DLG2: variants seen among roughly 807,000 people sequenced by gnomAD.
DLG2 encodes the protein discs large MAGUK scaffold protein 2.
Under a neutral mutation model 132.5 loss-of-function variants are expected in DLG2, and 45 were observed. That is an observed-to-expected ratio of 0.34 (90% CI 0.27 to 0.44). The LOEUF (loss-of-function observed/expected upper bound fraction) is 0.44. Among genes scored for constraint, DLG2 ranks in the 20% least tolerant of loss-of-function variants. The pLI, the probability that DLG2 is intolerant of heterozygous loss-of-function variation, is 1.00. For missense variants in DLG2, 1,045 were observed against 1,196.9 expected (o/e 0.87, Z 1.87); for synonymous variants, 424 against 419.6 (o/e 1.01, Z -0.13).
chr11:84,180,825 C>A (rs1425838956), intron 8 of DLG2, among the ~76,000 whole-genome samples: 2 of 151,836 alleles, frequency 1.3e-5, no homozygotes, highest in East Asian at 1.9e-4. Flanking sequence ...ATAAAATTAT[C>A]CTTCAAGAAT....
intron 4 of DLG2, among the ~76,000 whole-genome samples, chr11:85,249,522 A>G (rs1220713907): frequency 1.3e-5 from 2 of 152,086 alleles, no homozygotes; most frequent in Non-Finnish European, 2.9e-5. Context: ...TGAGAATTGT[A>G]TGTTGACCTA....
At chr11:85,567,555 CTAAATACAAGATCATGTAAT>C (rs1482601817) in intron 3 of DLG2, among the ~76,000 whole-genome samples, 1 of 152,006 alleles carries the variant, frequency 6.6e-6, no homozygotes, top group Admixed American at 6.6e-5. Context: ...TTAGAGTTTT[CTAAATACAAGATCATGTAAT>C]CTGGGAATTT....
At chr11:83,675,021 A>G (rs1490708725) in intron 18 of DLG2, among the ~76,000 whole-genome samples, 2 of 152,256 alleles carry the variant, frequency 1.3e-5, no homozygotes, top group Non-Finnish European at 2.9e-5. Context: ...TGTGATAGAA[A>G]GTAAATAACA....
At chr11:84,860,240 G>A (rs1360033624) in intron 6 of DLG2, among the ~76,000 whole-genome samples, 1 of 152,060 alleles carries the variant, frequency 6.6e-6, no homozygotes, top group African/African-American at 2.4e-5. Flanking sequence ...TTTCACATTT[G>A]CTAATTATAT....
At chr11:85,069,265 C>T (rs2065411941) in intron 6 of DLG2, among the ~76,000 whole-genome samples, 1 of 152,044 alleles carries the variant, frequency 6.6e-6, no homozygotes, top group Admixed American at 6.6e-5. Context: ...GTCTAAAACA[C>T]CAAAAGCAAT....
chr11:85,469,515 A>T (rs1434077073), intron 3 of DLG2: 1 of 152,188 alleles, frequency 6.6e-6, no homozygotes, highest in Non-Finnish European at 1.5e-5. Flanking sequence ...GAAACACCAA[A>T]CTACTCTGGT....
intron 21 of DLG2, among the ~76,000 whole-genome samples, chr11:83,516,012 G>T (rs2095279820): frequency 6.6e-6 from 1 of 152,198 alleles, no homozygotes; most frequent in East Asian, 1.9e-4. Flanking sequence ...TTGATTTGGG[G>T]TGGAGAGTTC....
At chr11:85,510,234 A>T (rs1598110496) in intron 3 of DLG2, among the ~76,000 whole-genome samples, 1 of 151,972 alleles carries the variant, frequency 6.6e-6, no homozygotes, top group African/African-American at 2.4e-5. Context: ...ATGAGAGGCT[A>T]AAGAGGTAGG....
intron 15 of DLG2, 115 bp downstream of exon 15, chr11:83,930,213 C>T: frequency 1.7e-6 from 2 of 1,197,124 alleles, no homozygotes; most frequent in South Asian, 1.5e-5. Flanking sequence ...AACATCTCTC[C>T]ACTTTGGGGA....
chr11:84,984,777 A>T (rs2056259280), intron 6 of DLG2, among the ~76,000 whole-genome samples: 1 of 152,212 alleles, frequency 6.6e-6, no homozygotes, highest in Non-Finnish European at 1.5e-5. Flanking sequence ...AACTTAAGGT[A>T]AAGGGATGGA....
chr11:84,521,431 G>T (rs557511607), intron 7 of DLG2, among the ~76,000 whole-genome samples: 121 of 152,238 alleles, frequency 7.9e-4, no homozygotes, highest in Non-Finnish European at 1.4e-3. Context: ...GGCTGCCTTG[G>T]GAAAGTCTCA....
At chr11:84,793,020 T>G (rs1214260180) in intron 6 of DLG2, among the ~76,000 whole-genome samples, 1 of 152,090 alleles carries the variant, frequency 6.6e-6, no homozygotes, top group Non-Finnish European at 1.5e-5. Context: ...AATTTGAAGT[T>G]TTTCTCTTTT....
At chr11:85,574,805 A>C (rs1319004073) in intron 3 of DLG2, among the ~76,000 whole-genome samples, 1 of 152,174 alleles carries the variant, frequency 6.6e-6, no homozygotes, top group African/African-American at 2.4e-5. Flanking sequence ...TGCGGGTGCC[A>C]GGCTTGCACA....
At chr11:84,552,271 CAT>C (rs1164696337) in intron 6 of DLG2, among the ~76,000 whole-genome samples, 1 of 152,124 alleles carries the variant, frequency 6.6e-6, no homozygotes, top group Non-Finnish European at 1.5e-5. Flanking sequence ...TCTTTCCAAA[CAT>C]ATCTCTTGCT....
intron 16 of DLG2, among the ~76,000 whole-genome samples, chr11:83,857,961 A>C (rs1273337982): frequency 5.9e-5 from 9 of 152,232 alleles, no homozygotes; most frequent in Non-Finnish European, 1.0e-4. Flanking sequence ...TCAATGAATC[A>C]TTATGGAATG....
At chr11:85,441,057 G>C (rs147476294) in intron 3 of DLG2, among the ~76,000 whole-genome samples, 189 of 152,260 alleles carry the variant, frequency 1.2e-3, no homozygotes, top group Middle Eastern at 6.8e-3. Context: ...TGATAACTGT[G>C]TAACTTGTAT....
intron 3 of DLG2, among the ~76,000 whole-genome samples, chr11:85,488,953 A>C (rs1442479125): frequency 6.6e-6 from 1 of 152,204 alleles, no homozygotes; most frequent in Non-Finnish European, 1.5e-5. Context: ...AGAGGAAGAA[A>C]AAAGAATCAG....
chr11:83,776,825 T>A (rs1166921501), intron 18 of DLG2, among the ~76,000 whole-genome samples: 1 of 152,234 alleles, frequency 6.6e-6, no homozygotes, highest in Non-Finnish European at 1.5e-5. Flanking sequence ...AAGAAAGTAT[T>A]ATTCCCGTGG....
At chr11:85,228,565 A>G (rs2075110562) in intron 4 of DLG2, among the ~76,000 whole-genome samples, 4 of 152,056 alleles carry the variant, frequency 2.6e-5, no homozygotes, top group Admixed American at 2.6e-4. Context: ...CTTTATCATT[A>G]TGAAAGTTAC....
Sources: gnomAD v4.1 joint callset for allele counts (sites outside exome capture counted in the v4.1 genomes callset) on GRCh38, gnomAD v4.1.1 for gene constraint, MANE v1.5 for transcripts, NCBI Gene and HGNC (gene_info 2026-07-23, HGNC 2026-07-21) for gene names.